The following N4BP2L2 variants were observed in gnomAD, a reference collection of about 807,000 sequenced individuals.
The protein encoded by N4BP2L2 is NEDD4 binding protein 2 like 2, also known as NEDD4-binding protein 2-like 2.
In N4BP2L2, 50 loss-of-function variants were observed where a neutral mutation model predicts 56.2. That is an observed-to-expected ratio of 0.89 (90% CI 0.71 to 1.13). The LOEUF (loss-of-function observed/expected upper bound fraction) is 1.13, where lower values mean the gene tolerates loss of function less well. N4BP2L2 is among the 50% of genes most tolerant of loss of function. The probability of loss-of-function intolerance (pLI) is 0.00; values close to 1 mark genes in which losing one functional copy is unlikely to be tolerated. For synonymous variants in N4BP2L2, 203 were observed against 223.6 expected (o/e 0.91, Z 0.82); for missense variants, 689 against 693.8 (o/e 0.99, Z 0.08).
intron 6 of N4BP2L2, among the ~76,000 whole-genome samples, chr13:32,485,625 AGTTT>A (rs2085692258): frequency 6.6e-6 from 1 of 152,256 alleles, no homozygotes; most frequent in South Asian, 2.1e-4. Context: ...AAGCAAGGTT[AGTTT>A]AACATCCAAA....
chr13:32,436,343 A>C, intron 9 of N4BP2L2: 1 of 1,187,860 alleles, frequency 8.4e-7, no homozygotes, highest in South Asian at 1.5e-5. Context: ...AGAGGTCTCT[A>C]GAATAAGTCA....
intron 6 of N4BP2L2, among the ~76,000 whole-genome samples, chr13:32,446,197 A>G (rs2077024169): frequency 6.6e-6 from 1 of 152,196 alleles, no homozygotes; most frequent in Non-Finnish European, 1.5e-5. Flanking sequence ...CTTTGTCACT[A>G]ATTGCTGCTG....
At chr13:32,484,960 G>A (rs2085556530) in intron 6 of N4BP2L2, among the ~76,000 whole-genome samples, 1 of 152,078 alleles carries the variant, frequency 6.6e-6, no homozygotes, top group Non-Finnish European at 1.5e-5. Flanking sequence ...CATTTATAAA[G>A]AATACTTAGA....
exon 6 of N4BP2L2, chr13:32,512,573 G>T (rs2048351271): frequency 6.6e-6 from 1 of 152,198 alleles, no homozygotes; most frequent in Non-Finnish European, 1.5e-5. Flanking sequence ...GGAAGAAAAA[G>T]AGATTATGAA....
chr13:32,444,929 A>C (rs2076807338), intron 6 of N4BP2L2, among the ~76,000 whole-genome samples: 1 of 152,208 alleles, frequency 6.6e-6, no homozygotes, highest in African/African-American at 2.4e-5. Flanking sequence ...GCAATTATAA[A>C]ACATTAGTAA....
intron 6 of N4BP2L2, among the ~76,000 whole-genome samples, chr13:32,458,956 T>C (rs991384720): frequency 3.9e-5 from 6 of 152,094 alleles, no homozygotes; most frequent in Non-Finnish European, 7.3e-5. Flanking sequence ...CAGACAACAA[T>C]GGAATAAAAT....
intron 6 of N4BP2L2, among the ~76,000 whole-genome samples, chr13:32,500,717 C>CAA (rs200056832): frequency 7.6e-6 from 1 of 132,266 alleles, no homozygotes; most frequent in Non-Finnish European, 1.6e-5. Context: ...AACCGTGTCT[C>CAA]AAAAAAAAAA....
At chr13:32,509,980 T>TACA (rs2091519551), downstream of N4BP2L2, among the ~76,000 whole-genome samples, 1 of 152,170 alleles carries the variant, frequency 6.6e-6, no homozygotes, top group African/African-American at 2.4e-5. Flanking sequence ...AATTCTGTAC[T>TACA]TCAAGATTTT....
At chr13:32,532,045 A>G (rs378429) in intron 2 of N4BP2L2, among the ~76,000 whole-genome samples, 94,267 of 152,036 alleles carry the variant, frequency 0.62, 31,217 homozygotes, top group Non-Finnish European at 0.75. Flanking sequence ...CCTCTTATTA[A>G]GAACCTTTGT....
At chr13:32,450,091 AAC>A (rs895591426) in intron 6 of N4BP2L2, among the ~76,000 whole-genome samples, 30 of 152,314 alleles carry the variant, frequency 2.0e-4, no homozygotes, top group Middle Eastern at 6.8e-3. Context: ...AATTGGTGAA[AAC>A]ACATTCTTTT....
chr13:32,479,612 T>C (rs1383401168), intron 6 of N4BP2L2, among the ~76,000 whole-genome samples: 1 of 150,092 alleles, frequency 6.7e-6, no homozygotes, highest in East Asian at 1.9e-4. Context: ...ATTTTGTTTT[T>C]TCTTCAGAAG....
chr13:32,452,148 G>A (rs980034969), intron 6 of N4BP2L2, among the ~76,000 whole-genome samples: 8 of 148,194 alleles, frequency 5.4e-5, no homozygotes, highest in Non-Finnish European at 7.4e-5. Flanking sequence ...CACAAACTCC[G>A]CCTCCCAGGT....
chr13:32,517,575 T>C, exon 6 of N4BP2L2: 1 of 1,289,184 alleles, frequency 7.8e-7, no homozygotes, highest in South Asian at 1.9e-5. Context: ...GGTGCTTCCA[T>C]AACAGCCAAG....
chr13:32,446,830 T>G (rs922298439), intron 6 of N4BP2L2, among the ~76,000 whole-genome samples: 5 of 152,244 alleles, frequency 3.3e-5, no homozygotes, highest in Non-Finnish European at 7.3e-5. Flanking sequence ...TTGCTTTACA[T>G]GTACCAATTC....
chr13:32,455,898 T>C (rs1355807934), intron 6 of N4BP2L2, among the ~76,000 whole-genome samples: 1 of 152,176 alleles, frequency 6.6e-6, no homozygotes, highest in Non-Finnish European at 1.5e-5. Flanking sequence ...CCACCCAGCT[T>C]GTCACAGCCA....
chr13:32,515,456 G>A (rs2049000220), exon 6 of N4BP2L2: 1 of 152,122 alleles, frequency 6.6e-6, no homozygotes, highest in Non-Finnish European at 1.5e-5. Flanking sequence ...TTAATTCTGA[G>A]TAAGAATGTT....
intron 6 of N4BP2L2, chr13:32,504,685 A>G (rs2090616682): frequency 6.6e-6 from 1 of 152,162 alleles, no homozygotes; most frequent in Non-Finnish European, 1.5e-5. Flanking sequence ...CAACAGCCCC[A>G]AAGTCTTGAC....
intron 1 of N4BP2L2, among the ~76,000 whole-genome samples, chr13:32,537,639 A>G (rs2056874718): frequency 6.6e-6 from 1 of 152,202 alleles, no homozygotes; most frequent in African/African-American, 2.4e-5. Flanking sequence ...AAATGGGTAT[A>G]GTGTGTTCAT....
chr13:32,472,045 G>A (rs1256538427), intron 6 of N4BP2L2, among the ~76,000 whole-genome samples: 1 of 152,332 alleles, frequency 6.6e-6, no homozygotes, highest in East Asian at 1.9e-4. Context: ...AAGGCTAGAA[G>A]ATGTTAAATG....
Sources: allele counts gnomAD v4.1 joint callset (sites outside exome capture counted in the v4.1 genomes callset), GRCh38; gene constraint gnomAD v4.1.1; transcripts MANE v1.5; gene names NCBI Gene and HGNC (gene_info 2026-07-23, HGNC 2026-07-21).